The following CAMTA1 variants were observed in gnomAD, a reference collection of about 807,000 sequenced individuals.
The protein encoded by CAMTA1 is calmodulin-binding transcription activator 1.
In CAMTA1, 27 loss-of-function variants were observed where a neutral mutation model predicts 170.9. The observed-to-expected ratio is 0.16, with a 90% CI of 0.12 to 0.22. CAMTA1 has a LOEUF of 0.22. CAMTA1 is among the 10% of genes least tolerant of loss of function. The probability of loss-of-function intolerance (pLI) is 1.00; values close to 1 mark genes in which losing one functional copy is unlikely to be tolerated. For missense variants in CAMTA1, 1,619 were observed against 2,217.2 expected (o/e 0.73, Z 5.42); for synonymous variants, 833 against 891.5 (o/e 0.93, Z 1.17).
At chr1:6,923,758 C>A (rs1682512612) in intron 3 of CAMTA1, among the ~76,000 whole-genome samples, 1 of 152,160 alleles carries the variant, frequency 6.6e-6, no homozygotes, top group East Asian at 1.9e-4. Context: ...AGCACCTGTC[C>A]TATGTCAGGC....
Position 7,155,068 on chromosome 1 carries a change from C to T in CAMTA1, c.302+63697C>T, listed in dbSNP as rs545983075. Among the ~76,000 whole-genome samples the T allele has an allele frequency of 4.4e-4, 67 of 152,266 alleles. 2 individuals carry two copies. The South Asian group carries it at 0.012, about 27-fold the overall frequency. ...CCAGCCAGGATGAGTAAAAGGTACA[C>T]GGCTGAACATCAGTGCCAGTGAGTG... is the stretch of plus-strand genomic sequence containing the variant. On this transcript the variant is annotated intron_variant, in intron 4 of 22. Transcript: ENST00000303635.
chr1:7,205,483 T>C (rs1467243978), intron 4 of CAMTA1, among the ~76,000 whole-genome samples: 1 of 152,218 alleles, frequency 6.6e-6, no homozygotes, highest in African/African-American at 2.4e-5. Context: ...GCTGTGTTAC[T>C]AGGTGCATTG....
intron 5 of CAMTA1, among the ~76,000 whole-genome samples, chr1:7,342,016 T>C (rs1353908983): frequency 6.6e-6 from 1 of 152,186 alleles, no homozygotes; most frequent in Admixed American, 6.5e-5. Context: ...GTGCAATACC[T>C]CAGGGAGTCT....
chr1:7,462,989 A>T (rs1775045), intron 5 of CAMTA1, among the ~76,000 whole-genome samples: 1 of 152,022 alleles, frequency 6.6e-6, no homozygotes, highest in African/African-American at 2.4e-5. Flanking sequence ...GGGGGACCTG[A>T]GCTGGACTCC....
At chr1:6,907,394 G>A (rs1027132185) in intron 3 of CAMTA1, among the ~76,000 whole-genome samples, 2 of 152,016 alleles carry the variant, frequency 1.3e-5, no homozygotes, top group African/African-American at 2.4e-5. Context: ...CCGCTGTCCC[G>A]TGTTTCTACG....
intron 5 of CAMTA1, among the ~76,000 whole-genome samples, chr1:7,298,924 C>G (rs544150164): frequency 2.0e-5 from 3 of 152,256 alleles, no homozygotes; most frequent in African/African-American, 7.2e-5. Flanking sequence ...TCTTCCCTTG[C>G]CGACCAGACC....
At position 6,934,799 on chromosome 1, in the gene CAMTA1, T is replaced by C. The variant is rs1685032079; in HGVS notation, c.234+109589T>C. ...GAGGAAGGCAGGGCTCTGAGGATGCTATGATGTGCCATTTCTTTGGGCTTT... is the reference window on the plus strand; with the variant it reads ...GAGGAAGGCAGGGCTCTGAGGATGCCATGATGTGCCATTTCTTTGGGCTTT... On this transcript the variant is annotated intron_variant, in intron 3 of 22. Transcript: ENST00000303635. The surrounding 1 kb of genome is among the most constrained non-coding windows in gnomAD (Gnocchi z 4.5). Among the ~76,000 whole-genome samples, 1 of 152,182 alleles carries C rather than the reference T, an allele frequency of 6.6e-6. No homozygotes were observed. The highest frequency in any genetic ancestry group is 1.5e-5 in the Non-Finnish European group (1 of 68,036).
intron 5 of CAMTA1, among the ~76,000 whole-genome samples, chr1:7,453,686 C>A (rs1490520399): frequency 6.6e-6 from 1 of 152,236 alleles, no homozygotes; most frequent in Non-Finnish European, 1.5e-5. Context: ...AGGCAACAGG[C>A]TGGTCCCATT....
Position 7,736,248 on chromosome 1 carries a change from T to A in CAMTA1, c.3067-96T>A. The A allele has an allele frequency of 9.9e-7, 1 of 1,012,208 alleles. No homozygotes were observed. Among genetic ancestry groups the A allele is most frequent in the Non-Finnish European group, 1.5e-6 (1 of 679,922 alleles). The allele number at this position is 1,012,208 out of a possible 1,614,324, so 62.7% of individuals were successfully genotyped here. A position where few individuals can be genotyped will look rare whatever the true frequency, so the allele number is the denominator to read the frequency against. ...GTGTTTTATGTTTTCCGTTGTGAGT[T>A]TCTAATCGTAAAGCATTTGTTTCCC... On this transcript the variant is annotated intron_variant, in intron 12 of 22. Transcript: ENST00000303635. This position sits in a 1 kb window ranked among gnomAD's most constrained non-coding sequence, Gnocchi z 4.5.
chr1:7,172,848 C>T (rs553405428), intron 4 of CAMTA1, among the ~76,000 whole-genome samples: 3 of 152,316 alleles, frequency 2.0e-5, no homozygotes, highest in Non-Finnish European at 2.9e-5. Flanking sequence ...CGCAAATGCA[C>T]GATCTCCTCT....
chr1:6,984,009 G>T (rs937307585), intron 3 of CAMTA1, among the ~76,000 whole-genome samples: 2 of 35,536 alleles, frequency 5.6e-5, no homozygotes, highest in African/African-American at 1.1e-4. Context: ...TGGATGGAGG[G>T]ATGGGTGGTT....
chr1:7,710,427 ATC>A (rs1262822812), intron 11 of CAMTA1, among the ~76,000 whole-genome samples: 1 of 151,948 alleles, frequency 6.6e-6, no homozygotes, highest in East Asian at 1.9e-4. Flanking sequence ...GCAAGACCTC[ATC>A]TTTAAAAAAA....
chr1:7,449,952 C>T (rs868555917), intron 5 of CAMTA1, among the ~76,000 whole-genome samples: 2 of 152,006 alleles, frequency 1.3e-5, no homozygotes, highest in South Asian at 2.1e-4. Flanking sequence ...CACCAGGTGG[C>T]TTGGGGGTAG....
intron 11 of CAMTA1, among the ~76,000 whole-genome samples, chr1:7,711,427 G>C (rs921835279): frequency 2.6e-5 from 4 of 152,138 alleles, no homozygotes; most frequent in Non-Finnish European, 5.9e-5. Context: ...GGGACGCTAG[G>C]GGGGCCAACT....
intron 11 of CAMTA1, among the ~76,000 whole-genome samples, chr1:7,709,071 G>A (rs1577081647): frequency 6.6e-6 from 1 of 152,114 alleles, no homozygotes; most frequent in African/African-American, 2.4e-5. Context: ...CCAGGCTGGT[G>A]TGCTGGTGTG....
Position 7,137,903 on chromosome 1 carries a change from A to G in CAMTA1, c.302+46532A>G, listed in dbSNP as rs566989225. Among the ~76,000 whole-genome samples, 6 of 152,284 alleles carry G rather than the reference A, an allele frequency of 3.9e-5. No individual in the cohort carries two copies. The South Asian group carries it at 8.3e-4, about 21-fold the overall frequency. ...TTCCCTGCTGGAATATCGGGCAGGT[A>G]TGTGGATGCTGGTTCACTGCCATGC... is the stretch of plus-strand genomic sequence containing the variant. On this transcript the variant is annotated intron_variant, in intron 4 of 22. Coordinates refer to ENST00000303635, the MANE Select transcript of CAMTA1 (RefSeq NM_015215.4).
rs558168285 is a variant in CAMTA1 at position 6,929,512 on chromosome 1, C to T, written c.234+104302C>T. Among the ~76,000 whole-genome samples the T allele has an allele frequency of 7.2e-5, 11 of 152,284 alleles. No individual in the cohort carries two copies. The East Asian group carries it at 1.9e-3, about 27-fold the overall frequency. On this transcript the variant is annotated intron_variant, in intron 3 of 22. Coordinates refer to ENST00000303635, the MANE Select transcript of CAMTA1 (RefSeq NM_015215.4). ...CCGAGTAGCTGGGACTACAGGCGCC[C>T]GCCACCACGCCTGGCTAAGTTTTTG...
At chr1:6,985,822 T>A (rs1695262193) in intron 3 of CAMTA1, among the ~76,000 whole-genome samples, 2 of 152,176 alleles carry the variant, frequency 1.3e-5, no homozygotes. Flanking sequence ...TATAACTTCC[T>A]TCATTAACAT....
At chr1:6,917,859 G>C (rs1029041094) in intron 3 of CAMTA1, among the ~76,000 whole-genome samples, 3 of 135,864 alleles carry the variant, frequency 2.2e-5, no homozygotes, top group African/African-American at 2.6e-5. Context: ...GGCGGGGGGG[G>C]ACATCTACAT....
Sources: allele counts gnomAD v4.1 joint callset (sites outside exome capture counted in the v4.1 genomes callset), GRCh38; gene constraint gnomAD v4.1.1; non-coding constraint Gnocchi (gnomAD v3.1); transcripts MANE v1.5; gene names NCBI Gene and HGNC (gene_info 2026-07-23, HGNC 2026-07-21).